Variants in B3GLCT observed in about 807,000 individuals in gnomAD.
B3GLCT encodes beta 3-glucosyltransferase, also known as beta-1,3-glucosyltransferase.
A neutral mutation model predicts 63.4 loss-of-function variants in B3GLCT; 65 were observed. The observed-to-expected ratio is 1.03, with a 90% CI of 0.84 to 1.26. The LOEUF is 1.26. B3GLCT is among the 50% of genes most tolerant of loss of function. The pLI is 0.00. For missense variants in B3GLCT, 577 were observed against 604.8 expected (o/e 0.95, Z 0.48); for synonymous variants, 233 against 219.2 (o/e 1.06, Z -0.55).
intron 3 of B3GLCT, among the ~76,000 whole-genome samples, chr13:31,228,624 A>G (rs947207977): frequency 3.9e-5 from 6 of 152,190 alleles, no homozygotes; most frequent in South Asian, 2.1e-4. Flanking sequence ...TTATGTGTCC[A>G]AATTTCTAAG....
chr13:31,213,840 A>G (rs1470575814), intron 1 of B3GLCT, among the ~76,000 whole-genome samples: 1 of 151,976 alleles, frequency 6.6e-6, no homozygotes, highest in Non-Finnish European at 1.5e-5. Flanking sequence ...TATAATGTCT[A>G]CTGTTATCTA....
At chr13:31,294,299 C>T (rs1164138213) in intron 12 of B3GLCT, among the ~76,000 whole-genome samples, 1 of 152,140 alleles carries the variant, frequency 6.6e-6, no homozygotes, top group East Asian at 1.9e-4. Flanking sequence ...TAGGGTTGCT[C>T]TTCCTGATGA....
chr13:31,203,040 G>A (rs1242112592), intron 1 of B3GLCT, among the ~76,000 whole-genome samples: 1 of 152,152 alleles, frequency 6.6e-6, no homozygotes, highest in Non-Finnish European at 1.5e-5. Flanking sequence ...TAAAATAATA[G>A]GTATTAGCTT....
At chr13:31,246,987 A>G (rs777311145) in intron 4 of B3GLCT, 36 bp from the exon 5 acceptor site, 3 of 1,407,880 alleles carry the variant, frequency 2.1e-6, no homozygotes, top group Admixed American at 1.7e-5. Flanking sequence ...GGAGTAGTCA[A>G]TTCATACTTA....
intron 6 of B3GLCT, among the ~76,000 whole-genome samples, chr13:31,256,456 T>A (rs1374343693): frequency 1.3e-5 from 2 of 152,186 alleles, no homozygotes; most frequent in African/African-American, 2.4e-5. Context: ...CATTCTACTA[T>A]AAAGATACAT....
At chr13:31,320,338 C>G (rs1414155051) in intron 13 of B3GLCT, among the ~76,000 whole-genome samples, 4 of 152,122 alleles carry the variant, frequency 2.6e-5, no homozygotes, top group Admixed American at 6.5e-5. Context: ...TGCCTGATTA[C>G]CAGCCTCCCT....
At chr13:31,323,949 T>C in intron 14 of B3GLCT, 54 bp downstream of exon 14, 3 of 1,598,858 alleles carry the variant, frequency 1.9e-6, no homozygotes, top group Non-Finnish European at 2.6e-6. Flanking sequence ...CAGATTCTTC[T>C]CACTTAAGGA....
chr13:31,232,243 G>T (rs545909130), intron 4 of B3GLCT, among the ~76,000 whole-genome samples: 93 of 152,244 alleles, frequency 6.1e-4, no homozygotes, highest in Non-Finnish European at 7.6e-4. Flanking sequence ...TCTTTGCATC[G>T]CTATAAAGAA....
chr13:31,317,793 G>T, intron 13 of B3GLCT, 108 bp downstream of exon 13: 1 of 1,341,066 alleles, frequency 7.5e-7, no homozygotes, highest in Non-Finnish European at 1.1e-6. Flanking sequence ...AGTACTCTGT[G>T]AATGGTGGTT....
intron 1 of B3GLCT, among the ~76,000 whole-genome samples, chr13:31,206,128 A>G (rs1006871163): frequency 6.6e-6 from 1 of 152,208 alleles, no homozygotes; most frequent in Non-Finnish European, 1.5e-5. Context: ...TAAATGAAGT[A>G]AAGGACGTTA....
chr13:31,298,970 T>TCCTA (rs1176569537), intron 12 of B3GLCT, among the ~76,000 whole-genome samples: 1 of 152,204 alleles, frequency 6.6e-6, no homozygotes, highest in Non-Finnish European at 1.5e-5. Context: ...GCAGGCCTGG[T>TCCTA]CCTAGGGCCA....
chr13:31,309,641 G>A lies in B3GLCT; in HGVS notation c.1065-7925G>A, dbSNP rs1036243148. Among the ~76,000 whole-genome samples, 4 of 152,336 alleles carry A rather than the reference G, an allele frequency of 2.6e-5. No homozygotes were observed. In the East Asian group the frequency reaches 7.7e-4, roughly 29 times the overall value. ...ATCAAGGATGCAGATGAAGAGATGT[G>A]TAGGGCAAGGTATGGGGGAAGGAGT... On this transcript the variant is annotated intron_variant, in intron 12 of 14. Coordinates refer to ENST00000343307, the MANE Select transcript of B3GLCT (RefSeq NM_194318.4).
Position 31,329,711 on chromosome 13 carries a change from G to A in B3GLCT, c.*43G>A, listed in dbSNP as rs1326155866. On this transcript the variant is annotated 3_prime_UTR_variant, in exon 15 of 15. Coordinates refer to ENST00000343307, the MANE Select transcript of B3GLCT (RefSeq NM_194318.4). Reference sequence around the variant, plus strand: ...GCCTAGCCTGCGCAGGGAATGAACTGGAGACTGTGGCCTCATCCCACTGTG... The same window carrying A: ...GCCTAGCCTGCGCAGGGAATGAACTAGAGACTGTGGCCTCATCCCACTGTG... The A allele has an allele frequency of 1.2e-6, 2 of 1,605,114 alleles. No homozygotes were observed. The highest frequency in any genetic ancestry group is 2.2e-5 in the East Asian group (1 of 44,848).
At chr13:31,252,011 C>T (rs1201625977) in intron 6 of B3GLCT, among the ~76,000 whole-genome samples, 3 of 152,186 alleles carry the variant, frequency 2.0e-5, no homozygotes, top group African/African-American at 2.4e-5. Context: ...AGACTAACAG[C>T]GGATCTCTCA....
intron 2 of B3GLCT, among the ~76,000 whole-genome samples, chr13:31,221,536 A>G (rs762621893): frequency 6.6e-6 from 1 of 152,216 alleles, no homozygotes; most frequent in Non-Finnish European, 1.5e-5. Flanking sequence ...ATCCATCGTG[A>G]GAGTTAACAA....
chr13:31,291,733 T>A (rs1873671821), intron 12 of B3GLCT, among the ~76,000 whole-genome samples: 1 of 152,228 alleles, frequency 6.6e-6, no homozygotes, highest in Non-Finnish European at 1.5e-5. Context: ...TGATGGATTT[T>A]CTAAATATAT....
At position 31,314,803 on chromosome 13, in the gene B3GLCT, C is replaced by G. The variant is rs151097868; in HGVS notation, c.1065-2763C>G. ...TGGAATGATATGGTTTGGCTGTGTC[C>G]GCACCTAAATCTCAACTCGAATTGT... On this transcript the variant is annotated intron_variant, in intron 12 of 14. Coordinates refer to ENST00000343307, the MANE Select transcript of B3GLCT (RefSeq NM_194318.4). 1.6e-3 allele frequency among the ~76,000 whole-genome samples: 241 copies of G among 152,180 alleles called. 2 individuals are homozygous for G. Among genetic ancestry groups the G allele is most frequent in the African/African-American group, 5.5e-3 (229 of 41,518 alleles).
In B3GLCT at chr13:31,323,886, C is replaced by T. The variant is rs1566099999; in HGVS notation, c.1320C>T (p.Leu440=). The T allele has an allele frequency of 6.2e-7, 1 of 1,614,214 alleles. No individual in the cohort carries two copies. Among genetic ancestry groups the T allele is most frequent in the East Asian group, 2.2e-5 (1 of 44,886 alleles). ...GAATCCCTGTGACACACAGCCCTCT[C>T]TTCCATCAGGTGAGGAAATGGTTTT... ...GLGIPVTHSP[L]FHQARPVDYP... The change falls in exon 14 of 15, where the codon CTC becomes CTT. Residue 440 remains leucine (L), a synonymous_variant. Coordinates refer to ENST00000343307, the MANE Select transcript of B3GLCT (RefSeq NM_194318.4).
intron 4 of B3GLCT, among the ~76,000 whole-genome samples, chr13:31,237,708 G>A (rs527617875): frequency 1.3e-5 from 2 of 152,166 alleles, no homozygotes; most frequent in Non-Finnish European, 2.9e-5. Flanking sequence ...TGGTGACTCC[G>A]TCAGCTGTGG....
Sources: allele counts gnomAD v4.1 joint callset (sites outside exome capture counted in the v4.1 genomes callset), GRCh38; gene constraint gnomAD v4.1.1; transcripts MANE v1.5; gene names NCBI Gene and HGNC (gene_info 2026-07-23, HGNC 2026-07-21).